Variants in CNTNAP2 observed in about 807,000 individuals in gnomAD.
The protein encoded by CNTNAP2 is contactin associated protein 2.
In CNTNAP2, 98 loss-of-function variants were observed where a neutral mutation model predicts 155.2. The observed-to-expected ratio is 0.63, with a 90% CI of 0.54 to 0.75. CNTNAP2 has a LOEUF of 0.75. Among genes scored for constraint, CNTNAP2 ranks in the 30% least tolerant of loss-of-function variants. The pLI, the probability that CNTNAP2 is intolerant of heterozygous loss-of-function variation, is 0.00. For synonymous variants in CNTNAP2, 651 were observed against 631.2 expected (o/e 1.03, Z -0.47); for missense variants, 1,727 against 1,688.1 (o/e 1.02, Z -0.40).
In CNTNAP2 at chr7:146,967,738, T is replaced by A. The variant is rs1310385202; in HGVS notation, c.403-76169T>A. Among the ~76,000 whole-genome samples the A allele has an allele frequency of 4.6e-5, 7 of 152,126 alleles. No homozygotes were observed. In the East Asian group the frequency reaches 5.8e-4, roughly 13 times the overall value. ...AGACAATGGGGTTTTCTAGATATAC[T>A]ATCATGTCATCTGCAAACAGGGACA... On this transcript the variant is annotated intron_variant, in intron 3 of 23. Transcript: ENST00000361727.
In CNTNAP2 at chr7:146,731,261, C is replaced by T. The variant is rs866406319; in HGVS notation, c.98-43010C>T. On this transcript the variant is annotated intron_variant, in intron 1 of 23. Coordinates refer to ENST00000361727, the MANE Select transcript of CNTNAP2 (RefSeq NM_014141.6). Reference sequence around the variant, plus strand: ...AGAGTCTTGCTAGTGTCTCACAGTGCGGCTGGATGACAAGTTAGGAACAAC... The same window carrying T: ...AGAGTCTTGCTAGTGTCTCACAGTGTGGCTGGATGACAAGTTAGGAACAAC... Among the ~76,000 whole-genome samples, 5 of 152,042 alleles carry T rather than the reference C, an allele frequency of 3.3e-5. No homozygotes were observed. In the South Asian group the frequency reaches 6.2e-4, roughly 19 times the overall value.
rs994384553 is a variant in CNTNAP2, at chr7:147,644,622, AAAAC to A, written c.2098+5328_2098+5331del. Among the ~76,000 whole-genome samples the A allele has an allele frequency of 1.5e-4, 23 of 152,316 alleles. 1 individual carries two copies. In the East Asian group the frequency reaches 1.7e-3, roughly 12 times the overall value. On this transcript the variant is annotated intron_variant, in intron 13 of 23. Transcript: ENST00000361727. The stretch of plus-strand genomic sequence containing the variant: ...GGGCGATAGAGCGAGACTCTGTCGC[AAAAC>A]AAACAAACAAAACAAAACAAATCTT...
intron 1 of CNTNAP2, among the ~76,000 whole-genome samples, chr7:146,613,754 A>G (rs906621736): frequency 6.6e-6 from 1 of 152,166 alleles, no homozygotes; most frequent in Non-Finnish European, 1.5e-5. Context: ...ACAGTGACCT[A>G]TGACTACCAT....
intron 14 of CNTNAP2, among the ~76,000 whole-genome samples, chr7:147,956,115 ATAAC>A (rs1187389124): frequency 5.9e-5 from 9 of 152,322 alleles, no homozygotes; most frequent in African/African-American, 2.2e-4. Flanking sequence ...CACAAAAATA[ATAAC>A]TATTTGAATA....
intron 2 of CNTNAP2, among the ~76,000 whole-genome samples, chr7:146,801,257 C>T (rs1301987243): frequency 6.6e-6 from 1 of 152,076 alleles, no homozygotes; most frequent in Admixed American, 6.6e-5. Flanking sequence ...TCACTCAGTA[C>T]CAAGAGGACA....
Position 147,220,927 on chromosome 7 carries a change from A to G in CNTNAP2, c.1349-79214A>G, listed in dbSNP as rs142407892. 7.8e-3 allele frequency among the ~76,000 whole-genome samples: 1,182 copies of G among 152,084 alleles called. 15 individuals are homozygous for G. The highest frequency in any genetic ancestry group is 0.052 in the South Asian group (251 of 4,806). The stretch of plus-strand genomic sequence containing the variant: ...ATGGGGTTTTGCCATGTTGGCCAGG[A>G]TGGTCTCAAACTCCTGATCTGTGAT... On this transcript the variant is annotated intron_variant, in intron 8 of 23. Coordinates refer to ENST00000361727, the MANE Select transcript of CNTNAP2 (RefSeq NM_014141.6).
At chr7:146,678,110 G>A (rs1032656086) in intron 1 of CNTNAP2, among the ~76,000 whole-genome samples, 2 of 152,014 alleles carry the variant, frequency 1.3e-5, no homozygotes, top group Non-Finnish European at 2.9e-5. Context: ...CACCCAGGCT[G>A]GAGTAGGAGT....
At chr7:147,299,772 T>G (rs1794906812) in intron 8 of CNTNAP2, among the ~76,000 whole-genome samples, 1 of 152,214 alleles carries the variant, frequency 6.6e-6, no homozygotes, top group South Asian at 2.1e-4. Flanking sequence ...TAAGTTAAAA[T>G]AGCACATAAT....
chr7:146,276,707 CTG>C (rs896749889), intron 1 of CNTNAP2, among the ~76,000 whole-genome samples: 16 of 152,156 alleles, frequency 1.1e-4, no homozygotes, highest in Non-Finnish European at 2.1e-4. Flanking sequence ...TCATGTGACT[CTG>C]TGCCTTGACC....
chr7:146,938,546 C>T (rs1307552587), intron 3 of CNTNAP2, among the ~76,000 whole-genome samples: 1 of 151,684 alleles, frequency 6.6e-6, no homozygotes, highest in Non-Finnish European at 1.5e-5. Context: ...ACAAATCCCT[C>T]CACTCCACAT....
intron 21 of CNTNAP2, among the ~76,000 whole-genome samples, chr7:148,366,725 T>G (rs1013697341): frequency 6.6e-6 from 1 of 152,206 alleles, no homozygotes; most frequent in Non-Finnish European, 1.5e-5. Flanking sequence ...GAGGCCATCA[T>G]GCAGTTTGTG....
intron 1 of CNTNAP2, among the ~76,000 whole-genome samples, chr7:146,735,764 G>A (rs1377120618): frequency 2.1e-5 from 3 of 140,660 alleles, no homozygotes; most frequent in African/African-American, 9.8e-5. Context: ...GAAGAGTAGA[G>A]GGTAATAGGG....
intron 1 of CNTNAP2, among the ~76,000 whole-genome samples, chr7:146,170,283 C>T (rs1334930378): frequency 1.3e-5 from 2 of 152,096 alleles, no homozygotes; most frequent in Non-Finnish European, 2.9e-5. Flanking sequence ...GCCTTAGCCT[C>T]TCAAAGTGCT....
At chr7:147,877,180 G>T (rs556851482) in intron 13 of CNTNAP2, among the ~76,000 whole-genome samples, 1 of 152,326 alleles carries the variant, frequency 6.6e-6, no homozygotes, top group South Asian at 2.1e-4. Context: ...GAACCTGTTT[G>T]ATTATTGCTG....
At chr7:148,207,872 C>T (rs908642617) in intron 18 of CNTNAP2, among the ~76,000 whole-genome samples, 2 of 151,866 alleles carry the variant, frequency 1.3e-5, no homozygotes, top group African/African-American at 4.8e-5. Context: ...CCGAGGCGGG[C>T]GGATCACGAG....
chr7:147,299,668 A>C (rs909904753), intron 8 of CNTNAP2, among the ~76,000 whole-genome samples: 3 of 152,268 alleles, frequency 2.0e-5, no homozygotes, highest in African/African-American at 7.2e-5. Context: ...CAGACTTTAG[A>C]TAAAAGCCAT....
intron 1 of CNTNAP2, among the ~76,000 whole-genome samples, chr7:146,561,893 T>C (rs766822822): frequency 6.6e-5 from 10 of 152,070 alleles, no homozygotes; most frequent in African/African-American, 9.7e-5. Flanking sequence ...CGGGCTCAAG[T>C]GATCCTCTCA....
At chr7:147,930,402 C>A (rs1247587841) in intron 14 of CNTNAP2, among the ~76,000 whole-genome samples, 1 of 152,054 alleles carries the variant, frequency 6.6e-6, no homozygotes, top group Non-Finnish European at 1.5e-5. Flanking sequence ...ATAATCTATG[C>A]AAATGGCAAC....
At chr7:148,317,310 ATGC>A (rs1168071249) in intron 21 of CNTNAP2, among the ~76,000 whole-genome samples, 2 of 152,158 alleles carry the variant, frequency 1.3e-5, no homozygotes, top group African/African-American at 4.8e-5. Flanking sequence ...GGCTGAGATC[ATGC>A]CATTGCACTT....
Sources: gnomAD v4.1 joint callset for allele counts (sites outside exome capture counted in the v4.1 genomes callset) on GRCh38, gnomAD v4.1.1 for gene constraint, MANE v1.5 for transcripts, NCBI Gene and HGNC (gene_info 2026-07-23, HGNC 2026-07-21) for gene names.